The following RBFOX3 variants were observed in gnomAD, a reference collection of about 807,000 sequenced individuals.
RBFOX3 encodes RNA binding fox-1 homolog 3, also known as RNA binding protein fox-1 homolog 3.
RBFOX3 carries 17 observed loss-of-function variants against 48.7 expected under a neutral mutation model. The observed-to-expected ratio is 0.35, with a 90% confidence interval of 0.24 to 0.52. The LOEUF (loss-of-function observed/expected upper bound fraction) is 0.52. RBFOX3 is among the 20% of genes least tolerant of loss of function. The probability of loss-of-function intolerance (pLI) is 0.94; values close to 1 mark genes in which losing one functional copy is unlikely to be tolerated. For missense variants in RBFOX3, 382 were observed against 497.5 expected (o/e 0.77, Z 2.21); for synonymous variants, 212 against 209.5 (o/e 1.01, Z -0.10).
the RBFOX3 span, among the ~76,000 whole-genome samples, chr17:79,619,402 T>G: frequency 2.0e-5 from 3 of 152,242 alleles, no homozygotes; most frequent in Admixed American, 2.0e-4. Context: ...CTCCCGTGCT[T>G]CCCTCCTCGC....
intron 1 of RBFOX3, among the ~76,000 whole-genome samples, chr17:79,526,752 C>T (rs2086851223): frequency 6.6e-6 from 1 of 152,226 alleles, no homozygotes; most frequent in African/African-American, 2.4e-5. Context: ...CTCAGATGAA[C>T]CAGGCAGGCC....
chr17:79,462,494 A>C (rs188983777), intron 2 of RBFOX3, among the ~76,000 whole-genome samples: 3 of 152,320 alleles, frequency 2.0e-5, no homozygotes, highest in Non-Finnish European at 4.4e-5. Context: ...CTCAAGAATA[A>C]ATTAACAGTG....
intron 1 of RBFOX3, among the ~76,000 whole-genome samples, chr17:79,561,851 G>A (rs952157267): frequency 0.055 from 8,420 of 152,212 alleles, 292 homozygotes; most frequent in Admixed American, 0.11. Flanking sequence ...TGGTGGGGAC[G>A]GGCAGGAACG....
intron 1 of RBFOX3, among the ~76,000 whole-genome samples, chr17:79,514,232 G>A (rs1447941425): frequency 6.6e-6 from 1 of 152,162 alleles, no homozygotes; most frequent in African/African-American, 2.4e-5. Context: ...CGTCCACACA[G>A]CCAGGCACCC....
chr17:79,278,302 C>T (rs1311044118), intron 3 of RBFOX3, among the ~76,000 whole-genome samples: 1 of 152,190 alleles, frequency 6.6e-6, no homozygotes, highest in East Asian at 1.9e-4. Context: ...AGGGCCTCTG[C>T]CCCCCTCCTC....
chr17:79,640,695 A>G, the RBFOX3 span, among the ~76,000 whole-genome samples: 1 of 152,204 alleles, frequency 6.6e-6, no homozygotes, highest in African/African-American at 2.4e-5. Context: ...AAAAACACAC[A>G]ATGGAGAAAG....
intron 4 of RBFOX3, among the ~76,000 whole-genome samples, chr17:79,118,133 G>A (rs1365479775): frequency 6.6e-6 from 1 of 152,138 alleles, no homozygotes; most frequent in East Asian, 1.9e-4. Flanking sequence ...TGCAGCGGGG[G>A]CCGTCTCGGT....
At chr17:79,404,672 T>C (rs1448363836) in intron 2 of RBFOX3, among the ~76,000 whole-genome samples, 1 of 151,802 alleles carries the variant, frequency 6.6e-6, no homozygotes, top group East Asian at 1.9e-4. Flanking sequence ...TGTGGGTCCC[T>C]CAAATCACTC....
chr17:79,511,990 G>A (rs1411432349), intron 1 of RBFOX3, among the ~76,000 whole-genome samples: 39 of 144,708 alleles, frequency 2.7e-4, no homozygotes, highest in African/African-American at 4.9e-4. Flanking sequence ...TGTTACCATC[G>A]GGTACAGCCC....
At chr17:79,455,986 C>G (rs1555744725) in intron 2 of RBFOX3, among the ~76,000 whole-genome samples, 2 of 152,164 alleles carry the variant, frequency 1.3e-5, no homozygotes, top group African/African-American at 4.8e-5. Flanking sequence ...TCAAGAACTT[C>G]ACACTGACGA....
chr17:79,306,081 G>A (rs576378260), intron 3 of RBFOX3, among the ~76,000 whole-genome samples: 65 of 152,366 alleles, frequency 4.3e-4, no homozygotes, highest in Non-Finnish European at 8.1e-4. Flanking sequence ...AAGCACAGAC[G>A]GAATCTAGCC....
intron 2 of RBFOX3, among the ~76,000 whole-genome samples, chr17:79,450,335 T>C (rs1220644153): frequency 6.6e-6 from 1 of 152,174 alleles, no homozygotes; most frequent in African/African-American, 2.4e-5. Flanking sequence ...AAGAGCTACT[T>C]TGGCAGTAGG....
intron 2 of RBFOX3, among the ~76,000 whole-genome samples, chr17:79,389,994 GGTCTCCGCAGCCTCCA>G (rs1240882183): frequency 0.1 from 2,643 of 25,940 alleles, 29 homozygotes; most frequent in Admixed American, 0.21. Flanking sequence ...GCAGCCTCCA[GGTCTCCGCAGCCTCCA>G]GGTCTCCGCA....
Position 79,212,999 on chromosome 17 carries a change from CAT to C in RBFOX3, c.-34+22765_-34+22766del, listed in dbSNP as rs1197244596. Among the ~76,000 whole-genome samples, 8 of 151,142 alleles carry C rather than the reference CAT, an allele frequency of 5.3e-5. No homozygotes were observed. The highest frequency in any genetic ancestry group is 4.3e-4 in the South Asian group (2 of 4,638). On this transcript the variant is annotated intron_variant, in intron 4 of 14. Transcript: ENST00000693108. The surrounding 1 kb of genome is among the most constrained non-coding windows in gnomAD (Gnocchi z 4.7). ...CCTCCTGAGTAGCTGGGATTACAGGCATGCGCCTGTAATGCCCAGCTAATTTT... is the reference window on the plus strand; with the variant it reads ...CCTCCTGAGTAGCTGGGATTACAGGCGCGCCTGTAATGCCCAGCTAATTTT...
chr17:79,167,792 A>C (rs1228626960), intron 4 of RBFOX3, among the ~76,000 whole-genome samples: 1 of 152,176 alleles, frequency 6.6e-6, no homozygotes, highest in Non-Finnish European at 1.5e-5. Flanking sequence ...GAGCCGGAGC[A>C]CGGGGCCTGG....
chr17:79,527,553 G>C (rs1322276131), intron 1 of RBFOX3, among the ~76,000 whole-genome samples: 7 of 152,172 alleles, frequency 4.6e-5, no homozygotes, highest in Non-Finnish European at 1.0e-4. Flanking sequence ...TGGCTGATCA[G>C]TGTGCCTCTG....
At chr17:79,447,397 C>T (rs942002203) in intron 2 of RBFOX3, among the ~76,000 whole-genome samples, 3 of 152,312 alleles carry the variant, frequency 2.0e-5, no homozygotes, top group East Asian at 1.9e-4. Context: ...CCACAGATGC[C>T]GTGTTTGCTG....
chr17:79,127,677 A>G (rs1288501556), intron 4 of RBFOX3, among the ~76,000 whole-genome samples: 1 of 152,130 alleles, frequency 6.6e-6, no homozygotes, highest in Non-Finnish European at 1.5e-5. Context: ...CTGATGTCAC[A>G]TCGTGTGCTG....
intron 2 of RBFOX3, among the ~76,000 whole-genome samples, chr17:79,457,193 T>C (rs1426745219): frequency 6.6e-6 from 1 of 151,858 alleles, no homozygotes; most frequent in Non-Finnish European, 1.5e-5. Context: ...CAGCATGGAG[T>C]AGGGCCTTGT....
Sources: allele counts gnomAD v4.1 joint callset (sites outside exome capture counted in the v4.1 genomes callset), GRCh38; gene constraint gnomAD v4.1.1; non-coding constraint Gnocchi (gnomAD v3.1); transcripts MANE v1.5; gene names NCBI Gene and HGNC (gene_info 2026-07-23, HGNC 2026-07-21).